Variants in AKAP19 observed in about 807,000 individuals in gnomAD.
AKAP19 encodes the protein small A-kinase anchoring protein.
At chr2:190,144,249 A>AAG in the AKAP19 span, among the ~76,000 whole-genome samples, 1 of 41,722 alleles carries the variant, frequency 2.4e-5, no homozygotes, top group South Asian at 2.8e-3. Context: ...GCTCTAACAG[A>AAG]AAAAAAAAAA....
At chr2:189,888,200 T>A in the AKAP19 span, among the ~76,000 whole-genome samples, 3 of 152,348 alleles carry the variant, frequency 2.0e-5, no homozygotes, top group South Asian at 4.1e-4. Flanking sequence ...CACCATTTTT[T>A]AAATAGGGAA....
At chr2:190,119,696 C>G in the AKAP19 span, among the ~76,000 whole-genome samples, 1 of 152,152 alleles carries the variant, frequency 6.6e-6, no homozygotes, top group Non-Finnish European at 1.5e-5. Flanking sequence ...TCCTCTCTAT[C>G]TGCCTAAAAT....
At chr2:190,060,327 C>G in the AKAP19 span, 2 of 1,612,864 alleles carry the variant, frequency 1.2e-6, no homozygotes, top group South Asian at 1.1e-5. Flanking sequence ...CTCGACGGGT[C>G]TCAAATATAT....
chr2:190,021,231 A>T, the AKAP19 span, among the ~76,000 whole-genome samples: 1 of 151,744 alleles, frequency 6.6e-6, no homozygotes, highest in African/African-American at 2.4e-5. Context: ...ATTAAAAGCA[A>T]TCATTTTATT....
the AKAP19 span, among the ~76,000 whole-genome samples, chr2:189,928,114 C>T: frequency 6.6e-6 from 1 of 152,140 alleles, no homozygotes; most frequent in African/African-American, 2.4e-5. Context: ...AGGTCCTTAA[C>T]ATTTTTCAAG....
the AKAP19 span, among the ~76,000 whole-genome samples, chr2:190,021,517 A>C: frequency 6.6e-6 from 1 of 152,312 alleles, no homozygotes; most frequent in African/African-American, 2.4e-5. Flanking sequence ...CCTCTTAAAA[A>C]AGAACTTACC....
At chr2:189,962,826 GTATTGGA>G in the AKAP19 span, among the ~76,000 whole-genome samples, 1 of 152,010 alleles carries the variant, frequency 6.6e-6, no homozygotes, top group East Asian at 1.9e-4. Context: ...TTCACTTTGT[GTATTGGA>G]TATTTTTTAT....
the AKAP19 span, among the ~76,000 whole-genome samples, chr2:190,199,386 C>CCTTGGTATAGATAAATCT: frequency 6.6e-6 from 1 of 151,582 alleles, no homozygotes; most frequent in Admixed American, 6.6e-5. Flanking sequence ...GTTTGCTAGC[C>CCTTGGTATAGATAAATCT]CTTGGTATAG....
chr2:189,962,740 T>G, the AKAP19 span, among the ~76,000 whole-genome samples: 5 of 152,192 alleles, frequency 3.3e-5, no homozygotes, highest in Non-Finnish European at 7.3e-5. Context: ...GTATTTGTAA[T>G]ATTAAAAACT....
At chr2:190,038,750 G>T in the AKAP19 span, among the ~76,000 whole-genome samples, 1 of 152,116 alleles carries the variant, frequency 6.6e-6, no homozygotes, top group Non-Finnish European at 1.5e-5. Context: ...TTAGCCCCGT[G>T]GCTTACCCTT....
the AKAP19 span, among the ~76,000 whole-genome samples, chr2:189,996,369 C>T: frequency 4.9e-4 from 75 of 152,238 alleles, no homozygotes; most frequent in Non-Finnish European, 8.7e-4. Flanking sequence ...CTTTCTTCTA[C>T]TTGTTCTAGT....
the AKAP19 span, among the ~76,000 whole-genome samples, chr2:189,972,836 T>C: frequency 0.049 from 7,414 of 152,296 alleles, 272 homozygotes; most frequent in Non-Finnish European, 0.068. Context: ...TGATTTTGTA[T>C]CCTGAGACCT....
the AKAP19 span, among the ~76,000 whole-genome samples, chr2:190,171,339 T>C: frequency 6.6e-6 from 1 of 152,168 alleles, no homozygotes; most frequent in African/African-American, 2.4e-5. Context: ...ACTGCACTAG[T>C]AGCTAATTCC....
chr2:190,085,075 A>G, the AKAP19 span, among the ~76,000 whole-genome samples: 1 of 152,134 alleles, frequency 6.6e-6, no homozygotes, highest in East Asian at 1.9e-4. Flanking sequence ...GCCAGACCAC[A>G]TGGCATTATT....
the AKAP19 span, among the ~76,000 whole-genome samples, chr2:190,194,075 A>C: frequency 6.6e-6 from 1 of 152,164 alleles, no homozygotes; most frequent in Admixed American, 6.5e-5. Flanking sequence ...TTCCAAATAT[A>C]TGAGGCTTTT....
At chr2:189,881,207 T>C in the AKAP19 span, among the ~76,000 whole-genome samples, 1 of 152,192 alleles carries the variant, frequency 6.6e-6, no homozygotes, top group African/African-American at 2.4e-5. Context: ...ACTGTTAACC[T>C]TGTGAAAGGA....
the AKAP19 span, among the ~76,000 whole-genome samples, chr2:190,156,437 G>A: frequency 1.6e-4 from 25 of 151,982 alleles, no homozygotes; most frequent in African/African-American, 4.8e-4. Flanking sequence ...TGTGACAGAC[G>A]ATTAAATTTA....
the AKAP19 span, among the ~76,000 whole-genome samples, chr2:189,926,169 G>A: frequency 1.3e-5 from 2 of 152,166 alleles, no homozygotes; most frequent in Non-Finnish European, 2.9e-5. Flanking sequence ...TATTTTCCAA[G>A]GATGAACCCA....
chr2:190,034,840 C>T, the AKAP19 span, among the ~76,000 whole-genome samples: 1 of 62,676 alleles, frequency 1.6e-5, no homozygotes, highest in Admixed American at 2.8e-4. Context: ...GGCAACAAAG[C>T]AAGATCCTGT....
Sources: gnomAD v4.1 joint callset for allele counts (sites outside exome capture counted in the v4.1 genomes callset) on GRCh38, gnomAD v4.1.1 for gene constraint, MANE v1.5 for transcripts, NCBI Gene and HGNC (gene_info 2026-07-23, HGNC 2026-07-21) for gene names.